The following FREM2 variants were observed in gnomAD, a reference collection of about 807,000 sequenced individuals.
FREM2 encodes the protein FRAS1 related extracellular matrix 2.
Under a neutral mutation model 219.9 loss-of-function variants are expected in FREM2, and 119 were observed. That is an observed-to-expected ratio of 0.54 (90% CI 0.47 to 0.63). FREM2 has a LOEUF of 0.63. Among genes scored for constraint, FREM2 ranks in the 30% least tolerant of loss-of-function variants. The pLI is 0.00. For synonymous variants in FREM2, 1,562 were observed against 1,522.8 expected, an observed-to-expected ratio of 1.03 and a Z score of -0.60; for missense variants, 4,030 against 3,993.6, an observed-to-expected ratio of 1.01 and a Z score of -0.25.
chr13:38,822,881 C>A (rs1036009664), intron 6 of FREM2, among the ~76,000 whole-genome samples: 8 of 149,348 alleles, frequency 5.4e-5, no homozygotes, highest in Non-Finnish European at 1.0e-4. Context: ...TTCATCAAAC[C>A]CTGTGATGTA....
intron 2 of FREM2, among the ~76,000 whole-genome samples, chr13:38,740,135 A>G (rs550728053): frequency 4.6e-5 from 7 of 152,348 alleles, no homozygotes; most frequent in Non-Finnish European, 8.8e-5. Context: ...GTTATGAATC[A>G]TCATAATCTA....
In FREM2 at chr13:38,688,426, C is replaced by G. The variant is rs748255809; in HGVS notation, c.1082C>G (p.Ser361Cys). 1 of 1,613,876 alleles carries G rather than the reference C, an allele frequency of 6.2e-7. No homozygotes were observed. The highest frequency in any genetic ancestry group is 8.5e-7 in the Non-Finnish European group (1 of 1,179,940). The change falls in exon 1 of 24, where the codon TCT (serine) becomes TGT (cysteine). Residue 361 changes from serine to cysteine, a missense_variant. Ser to Cys is a moderately radical substitution (Grantham distance 112). Transcript: ENST00000280481. ...GACCTGTTGATCTTCAACCTTACTT[C>G]TCCATTCCAGCCTGGCCAGGGCTAC... is the stretch of plus-strand genomic sequence containing the variant. ...PSDLLIFNLT[S>C]PFQPGQGYLV...
chr13:38,738,692 G>T (rs945069050), intron 2 of FREM2, among the ~76,000 whole-genome samples: 1 of 152,044 alleles, frequency 6.6e-6, no homozygotes, highest in Non-Finnish European at 1.5e-5. Context: ...GAACCAGAGG[G>T]TGCAGGGGCA....
At chr13:38,724,544 T>G (rs1367396699) in intron 2 of FREM2, among the ~76,000 whole-genome samples, 1 of 152,226 alleles carries the variant, frequency 6.6e-6, no homozygotes, top group African/African-American at 2.4e-5. Context: ...ATTATCTTGG[T>G]AATAGTAGCA....
rs1337467330 is a variant in FREM2, at chr13:38,690,908, T to C, written c.3564T>C (p.Asp1188=). ...FFPIVIIPTN[D]EQPEMFMREF... ...CCATTGTAATCATTCCCACCAATGA[T>C]GAACAGCCAGAGATGTTTATGAGAG... Residue 1188 remains aspartate (D), a synonymous_variant, in exon 1 of 24, where the codon GAT becomes GAC. Transcript: ENST00000280481. 1.9e-6 allele frequency: 3 copies of C among 1,614,188 alleles called. No individual in the cohort carries two copies. Among genetic ancestry groups the C allele is most frequent in the Non-Finnish European group, 2.5e-6 (3 of 1,179,998 alleles).
chr13:38,804,268 A>G (rs1394526330), intron 6 of FREM2, among the ~76,000 whole-genome samples: 1 of 151,852 alleles, frequency 6.6e-6, no homozygotes, highest in African/African-American at 2.4e-5. Context: ...AAGTGCCAAC[A>G]AAGTGAAAGC....
intron 6 of FREM2, among the ~76,000 whole-genome samples, chr13:38,810,151 T>C (rs1875418206): frequency 6.6e-6 from 1 of 152,078 alleles, no homozygotes; most frequent in Non-Finnish European, 1.5e-5. Context: ...AGGAATGCTA[T>C]TGATTTTTAT....
intron 6 of FREM2, among the ~76,000 whole-genome samples, chr13:38,828,259 G>A (rs945001888): frequency 4.6e-5 from 7 of 152,030 alleles, no homozygotes; most frequent in Admixed American, 3.9e-4. Flanking sequence ...GTACCTCAAA[G>A]GTTGTTAGGA....
intron 2 of FREM2, among the ~76,000 whole-genome samples, chr13:38,717,411 A>ATTT (rs1871050266): frequency 2.2e-5 from 1 of 46,072 alleles, no homozygotes; most frequent in Non-Finnish European, 5.7e-5. Flanking sequence ...TTACATAAGT[A>ATTT]CTTTTTTTTT....
intron 20 of FREM2, 31 bp from the exon 21 acceptor site, chr13:38,877,086 T>G (rs1171270906): frequency 3.1e-6 from 5 of 1,613,528 alleles, no homozygotes; most frequent in Non-Finnish European, 4.2e-6. Context: ...GAACCACTGA[T>G]GCATAAAAGA....
intron 2 of FREM2, among the ~76,000 whole-genome samples, chr13:38,709,954 G>T (rs1388404667): frequency 6.7e-6 from 1 of 149,832 alleles, no homozygotes; most frequent in Non-Finnish European, 1.5e-5. Context: ...GACCAGCCTG[G>T]CCAAACGGTG....
intron 2 of FREM2, among the ~76,000 whole-genome samples, chr13:38,732,780 G>T (rs1871819859): frequency 6.6e-6 from 1 of 152,234 alleles, no homozygotes; most frequent in Non-Finnish European, 1.5e-5. Context: ...AAATCCCAGT[G>T]AAGATTCTGT....
At chr13:38,780,003 G>A (rs539079269) in intron 4 of FREM2, among the ~76,000 whole-genome samples, 1 of 152,204 alleles carries the variant, frequency 6.6e-6, no homozygotes, top group Non-Finnish European at 1.5e-5. Flanking sequence ...TGAATCCCTA[G>A]ATCCATTCTC....
chr13:38,863,993 C>A (rs1314751380), intron 15 of FREM2, among the ~76,000 whole-genome samples: 1 of 151,972 alleles, frequency 6.6e-6, no homozygotes, highest in East Asian at 1.9e-4. Context: ...CCACCATGCC[C>A]AGCTATTGTA....
At chr13:38,861,254 C>A (rs539502567) in intron 14 of FREM2, among the ~76,000 whole-genome samples, 177 bp from the exon 15 acceptor site, 13 of 152,360 alleles carry the variant, frequency 8.5e-5, no homozygotes, top group African/African-American at 3.1e-4. Flanking sequence ...GCTGTGATTA[C>A]TTCTCACCCT....
At chr13:38,814,610 C>T (rs1875687675) in intron 6 of FREM2, among the ~76,000 whole-genome samples, 1 of 152,194 alleles carries the variant, frequency 6.6e-6, no homozygotes, top group South Asian at 2.1e-4. Flanking sequence ...CACCTGAAGC[C>T]TGTAAAGTAC....
At chr13:38,728,539 G>T (rs533875497) in intron 2 of FREM2, among the ~76,000 whole-genome samples, 87 of 151,954 alleles carry the variant, frequency 5.7e-4, no homozygotes, top group African/African-American at 2.0e-3. Context: ...CAGAGTAGCT[G>T]GGACTATATG....
At chr13:38,848,120 TTTGA>T (rs1468255538) in intron 7 of FREM2, among the ~76,000 whole-genome samples, 1 of 152,200 alleles carries the variant, frequency 6.6e-6, no homozygotes, top group Non-Finnish European at 1.5e-5. Flanking sequence ...GGATCACATA[TTTGA>T]TTGATATGCT....
At chr13:38,879,441 C>A (rs1355857371) in intron 23 of FREM2, among the ~76,000 whole-genome samples, 1 of 152,144 alleles carries the variant, frequency 6.6e-6, no homozygotes, top group Non-Finnish European at 1.5e-5. Flanking sequence ...TCAAAGATTT[C>A]AGAAACCAAG....
Sources: gnomAD v4.1 joint callset for allele counts (sites outside exome capture counted in the v4.1 genomes callset) on GRCh38, gnomAD v4.1.1 for gene constraint, MANE v1.5 for transcripts, NCBI Gene and HGNC (gene_info 2026-07-23, HGNC 2026-07-21) for gene names.